CKAP5: variants seen among roughly 807,000 people sequenced by gnomAD.
CKAP5 encodes the protein cytoskeleton associated protein 5.
In CKAP5, 27 loss-of-function variants were observed where a neutral mutation model predicts 232.8. The observed-to-expected ratio is 0.12, with a 90% CI of 0.09 to 0.16. CKAP5 has a LOEUF of 0.16. Ranked by LOEUF, CKAP5 falls within the 10% of genes least tolerant of loss-of-function variation. The pLI, the probability that CKAP5 is intolerant of heterozygous loss-of-function variation, is 1.00. For synonymous variants in CKAP5, 785 were observed against 841.1 expected, an observed-to-expected ratio of 0.93 and a Z score of 1.16; for missense variants, 1,838 against 2,424.7, an observed-to-expected ratio of 0.76 and a Z score of 5.08.
chr11:46,802,129 T>G (rs552480345), intron 8 of CKAP5: 1 of 152,330 alleles, frequency 6.6e-6, no homozygotes, highest in African/African-American at 2.4e-5. Context: ...TGAGGGAGCT[T>G]CTGGCCTTGA....
At chr11:46,840,953 C>G (rs917140963) in intron 1 of CKAP5, among the ~76,000 whole-genome samples, 2 of 152,152 alleles carry the variant, frequency 1.3e-5, no homozygotes, top group African/African-American at 4.8e-5. Context: ...CCTGTGGGAT[C>G]TGACACTACC....
At chr11:46,820,841 G>A (rs1939507908) in intron 2 of CKAP5, 1 of 169,208 alleles carries the variant, frequency 5.9e-6, no homozygotes, top group Non-Finnish European at 1.3e-5. Context: ...CAAAAGAAGA[G>A]TCTCTATATA....
intron 15 of CKAP5, among the ~76,000 whole-genome samples, chr11:46,789,849 CTTAAGTA>C (rs988208928): frequency 2.6e-5 from 4 of 152,102 alleles, no homozygotes; most frequent in Admixed American, 2.0e-4. Flanking sequence ...ATCTAATTTT[CTTAAGTA>C]TTAAGTCATG....
intron 16 of CKAP5, among the ~76,000 whole-genome samples, chr11:46,788,245 G>C (rs2065415110): frequency 6.6e-6 from 1 of 152,150 alleles, no homozygotes. Flanking sequence ...GTAGTTATGT[G>C]TTCAATCAAA....
intron 24 of CKAP5, among the ~76,000 whole-genome samples, chr11:46,775,017 C>T (rs1439026937): frequency 2.0e-5 from 3 of 152,008 alleles, no homozygotes; most frequent in East Asian, 3.8e-4. Flanking sequence ...AGCTTCTGCA[C>T]GGCAAAAGAA....
chr11:46,762,430 G>T, intron 31 of CKAP5, 197 bp downstream of exon 31: 3 of 868,868 alleles, frequency 3.5e-6, no homozygotes, highest in Non-Finnish European at 2.0e-6. Flanking sequence ...TTGTCACCAG[G>T]GTGATACTGA....
intron 42 of CKAP5, among the ~76,000 whole-genome samples, chr11:46,748,653 C>T (rs2065039774): frequency 6.6e-6 from 1 of 151,966 alleles, no homozygotes; most frequent in African/African-American, 2.4e-5. Flanking sequence ...TCTGTAATCC[C>T]AGCTACTCGG....
In CKAP5 at chr11:46,808,163, G is replaced by A. The variant is rs745838625; in HGVS notation, c.865-19C>T. The A allele has an allele frequency of 2.8e-6, 4 of 1,434,072 alleles. No individual in the cohort carries two copies. Among genetic ancestry groups the A allele is most frequent in the Non-Finnish European group, 3.9e-6 (4 of 1,021,706 alleles). The allele number at this position is 1,434,072 out of a possible 1,614,324, so 88.8% of individuals were successfully genotyped here. Reference sequence around the variant, plus strand: ...TTGCCTCCTGCAAGATACAATATGAGTCATTTGTAACAGGAAATAAGAGAG... The same window carrying A: ...TTGCCTCCTGCAAGATACAATATGAATCATTTGTAACAGGAAATAAGAGAG... On this transcript the variant is annotated intron_variant, in intron 7 of 43. Transcript: ENST00000529230.
At chr11:46,818,157 G>A (rs756279976) in intron 3 of CKAP5, among the ~76,000 whole-genome samples, 153 bp downstream of exon 3, 2 of 152,062 alleles carry the variant, frequency 1.3e-5, no homozygotes, top group Non-Finnish European at 2.9e-5. Context: ...TGAGAATAAA[G>A]ACTGAATGAA....
intron 1 of CKAP5, among the ~76,000 whole-genome samples, chr11:46,822,519 C>G (rs977737233): frequency 1.3e-5 from 2 of 151,834 alleles, no homozygotes; most frequent in Non-Finnish European, 2.9e-5. Context: ...TCTGGGAGGC[C>G]GAGCCGGGCG....
At chr11:46,759,739 G>A (rs546828860) in intron 33 of CKAP5, among the ~76,000 whole-genome samples, 3 of 152,224 alleles carry the variant, frequency 2.0e-5, no homozygotes, top group African/African-American at 7.2e-5. Context: ...TCCTGAAGGG[G>A]CAGAAAACAA....
At chr11:46,811,502 A>G (rs984803707) in intron 4 of CKAP5, among the ~76,000 whole-genome samples, 4 of 151,876 alleles carry the variant, frequency 2.6e-5, no homozygotes, top group Non-Finnish European at 5.9e-5. Context: ...TTCAGATGGC[A>G]TTTTGCTCTT....
chr11:46,807,899 A>C, intron 8 of CKAP5, 132 bp downstream of exon 8: 2 of 583,506 alleles, frequency 3.4e-6, no homozygotes, highest in East Asian at 5.6e-5. Flanking sequence ...TTAAAAATGT[A>C]TGTCTGTAAT....
At position 46,778,204 on chromosome 11, in the gene CKAP5, G is replaced by C; in HGVS notation, c.2683C>G (p.Gln895Glu). 6.2e-7 allele frequency: 1 copy of C among 1,614,006 alleles called. No individual in the cohort carries two copies. Among genetic ancestry groups the C allele is most frequent in the Admixed American group, 1.7e-5 (1 of 59,998 alleles). Reference protein sequence around the residue: ...AGIINDAKFIQPNIGELPTAL... With the variant: ...AGIINDAKFIEPNIGELPTAL... ...GTTGGAAGTTCACCTATATTCGGTTGGATAAATTTTGCGTCATTAATAATA... is the reference window on the plus strand; with the variant it reads ...GTTGGAAGTTCACCTATATTCGGTTCGATAAATTTTGCGTCATTAATAATA... The change falls in exon 22 of 44, where the codon CAA (glutamine) becomes GAA (glutamate). Residue 895 changes from glutamine to glutamate, a missense_variant. This residue lies in a region of CKAP5 where 767 missense variants were observed against 954.6 expected (regional missense o/e 0.80). Transcript: ENST00000529230.
chr11:46,744,373 G>A (rs780464497), intron 43 of CKAP5, 53 bp downstream of exon 43: 9 of 1,613,312 alleles, frequency 5.6e-6, no homozygotes, highest in Admixed American at 3.3e-5. Flanking sequence ...AGCCTGCCTC[G>A]GACCTGCTTG....
intron 38 of CKAP5, among the ~76,000 whole-genome samples, chr11:46,752,185 T>TACAC (rs1162579267): frequency 9.6e-4 from 66 of 68,466 alleles, no homozygotes; most frequent in African/African-American, 2.5e-3. Context: ...TATATATATA[T>TACAC]ATATATATAC....
intron 42 of CKAP5, among the ~76,000 whole-genome samples, chr11:46,746,390 C>A (rs988366894): frequency 6.6e-6 from 1 of 152,138 alleles, no homozygotes; most frequent in Non-Finnish European, 1.5e-5. Context: ...TTACTGCATT[C>A]ATTTATATCA....
rs1194808809 is a variant in CKAP5, at chr11:46,778,291, C to T, written c.2596G>A (p.Val866Ile). The change falls in exon 22 of 44, where the codon GTA becomes ATA. Residue 866 changes from valine (V) to isoleucine (I), a missense_variant. Around this residue, in one of 6 missense-constraint regions of CKAP5, gnomAD observed 767 missense variants for 954.6 expected, o/e 0.80. Coordinates refer to ENST00000529230, the MANE Select transcript of CKAP5 (RefSeq NM_001008938.4). ...EISDKITSEL[V>I]SKIGDKNWKI... ...CAATTCTTATCACCAATCTTAGATA[C>T]CAACTCTGAAGTGATTTTATCACTG... 9 of 1,613,534 alleles carry T rather than the reference C, an allele frequency of 5.6e-6. No homozygotes were observed. Among genetic ancestry groups the T allele is most frequent in the South Asian group, 1.1e-5 (1 of 90,964 alleles).
Position 46,778,275 on chromosome 11 carries a change from T to A in CKAP5, c.2612A>T (p.Asp871Val). The A allele has an allele frequency of 5.6e-6, 9 of 1,613,960 alleles. No homozygotes were observed. The highest frequency in any genetic ancestry group is 6.8e-6 in the Non-Finnish European group (8 of 1,179,900). ...ITSELVSKIG[D>V]KNWKIRKEGL... is the part of the protein sequence containing the mutation. ...TTCTTTCCTAATCTTCCAATTCTTA[T>A]CACCAATCTTAGATACCAACTCTGA... is the stretch of plus-strand genomic sequence containing the variant. The change falls in exon 22 of 44, where the codon GAT becomes GTT. Residue 871 changes from aspartate (D) to valine (V), a missense_variant. Asp to Val is a radical substitution (Grantham distance 152). Around this residue, in one of 6 missense-constraint regions of CKAP5, gnomAD observed 767 missense variants for 954.6 expected, o/e 0.80. Transcript: ENST00000529230.
Sources: gnomAD v4.1 joint callset for allele counts (sites outside exome capture counted in the v4.1 genomes callset) on GRCh38, gnomAD v4.1.1 for gene constraint, gnomAD v4.1.1 regional missense constraint, MANE v1.5 for transcripts, NCBI Gene and HGNC (gene_info 2026-07-23, HGNC 2026-07-21) for gene names.